GDAP1: variants seen among roughly 807,000 people sequenced by gnomAD.
The protein encoded by GDAP1 is ganglioside induced differentiation associated protein 1.
GDAP1 carries 34 observed loss-of-function variants against 40.1 expected under a neutral mutation model. That is an observed-to-expected ratio of 0.85 (90% CI 0.64 to 1.13). The LOEUF is 1.13. Among genes scored for constraint, GDAP1 ranks in the 50% most tolerant of loss-of-function variants. The pLI, the probability that GDAP1 is intolerant of heterozygous loss-of-function variation, is 0.00. For missense variants in GDAP1, 374 were observed against 433.7 expected (o/e 0.86, Z 1.22); for synonymous variants, 170 against 157.4 (o/e 1.08, Z -0.60).
Position 74,365,454 on chromosome 8 carries a change from C to G in GDAP1, c.*1087C>G. On this transcript the variant is annotated 3_prime_UTR_variant, in exon 6 of 6. Transcript: ENST00000220822. Reference sequence around the variant, plus strand: ...TGTGGAAGGGACAGTCTCGGTGTGTCCCATGAATAACCTTGGAACTGCAAC... The same window carrying G: ...TGTGGAAGGGACAGTCTCGGTGTGTGCCATGAATAACCTTGGAACTGCAAC... 2.2e-6 allele frequency: 1 copy of G among 452,312 alleles called. No individual in the cohort carries two copies. Among genetic ancestry groups the G allele is most frequent in the East Asian group, 7.0e-5 (1 of 14,254 alleles). The allele number at this position is 452,312 out of a possible 1,614,324, so 28.0% of individuals were successfully genotyped here. A position where few individuals can be genotyped will look rare whatever the true frequency, so the allele number is the denominator to read the frequency against.
intron 2 of GDAP1, among the ~76,000 whole-genome samples, chr8:74,479,437 G>T (rs1210260537): frequency 1.3e-5 from 2 of 152,056 alleles, no homozygotes; most frequent in Non-Finnish European, 2.9e-5. Flanking sequence ...TTATAAAAGT[G>T]TTTCTATTTA....
intron 2 of GDAP1, among the ~76,000 whole-genome samples, chr8:74,352,741 G>C (rs1808940892): frequency 6.6e-6 from 1 of 152,118 alleles, no homozygotes. Context: ...TACTGAAAAT[G>C]ACAACTAGTT....
At chr8:74,445,400 A>C (rs1048682940) in intron 2 of GDAP1, among the ~76,000 whole-genome samples, 2 of 152,174 alleles carry the variant, frequency 1.3e-5, no homozygotes, top group Non-Finnish European at 2.9e-5. Flanking sequence ...ATAGAGAGCT[A>C]TCAGTAAAAA....
intron 2 of GDAP1, among the ~76,000 whole-genome samples, chr8:74,479,000 C>T (rs1010056552): frequency 2.0e-5 from 3 of 152,154 alleles, no homozygotes; most frequent in African/African-American, 4.8e-5. Context: ...TCAATGCTTT[C>T]CCTGTGAAGA....
chr8:74,445,369 G>A (rs748762904), intron 2 of GDAP1, among the ~76,000 whole-genome samples: 14 of 152,090 alleles, frequency 9.2e-5, no homozygotes, highest in Admixed American at 5.9e-4. Context: ...TGCTTCTTTC[G>A]CAGATTGTCT....
At chr8:74,472,599 GT>G (rs539918052) in intron 2 of GDAP1, among the ~76,000 whole-genome samples, 5 of 150,340 alleles carry the variant, frequency 3.3e-5, no homozygotes, top group Admixed American at 2.0e-4. Context: ...ACCAGCATCT[GT>G]TTTTTTTTGA....
chr8:74,444,214 G>A (rs62523886), intron 2 of GDAP1, among the ~76,000 whole-genome samples: 87 of 1,068 alleles, frequency 0.081, 1 homozygote, highest in African/African-American at 0.18. Flanking sequence ...ACACACGCGC[G>A]CACACACACA....
chr8:74,454,951 G>A (rs1806317512), intron 2 of GDAP1, among the ~76,000 whole-genome samples: 1 of 151,818 alleles, frequency 6.6e-6, no homozygotes, highest in African/African-American at 2.4e-5. Context: ...CCTTGTCTAC[G>A]GGATTGGGGC....
intron 2 of GDAP1, among the ~76,000 whole-genome samples, chr8:74,394,854 C>T (rs1430941441): frequency 6.6e-6 from 1 of 152,128 alleles, no homozygotes; most frequent in Admixed American, 6.5e-5. Flanking sequence ...TGGAGAGGGC[C>T]ATCATGGGAA....
intron 2 of GDAP1, among the ~76,000 whole-genome samples, chr8:74,372,404 A>T (rs1275700851): frequency 6.6e-6 from 1 of 152,158 alleles, no homozygotes; most frequent in African/African-American, 2.4e-5. Context: ...AAGTGTTCCT[A>T]TGTCTCCACA....
intron 2 of GDAP1, among the ~76,000 whole-genome samples, chr8:74,401,703 T>C (rs1355968572): frequency 6.7e-6 from 1 of 149,736 alleles, no homozygotes; most frequent in Non-Finnish European, 1.5e-5. Context: ...TTTTGGTCTT[T>C]GATGATGGTG....
chr8:74,458,350 ATTCT>A (rs1806361015), intron 2 of GDAP1, among the ~76,000 whole-genome samples: 1 of 152,194 alleles, frequency 6.6e-6, no homozygotes, highest in African/African-American at 2.4e-5. Context: ...GACACCACTC[ATTCT>A]AAGTTTGTGA....
intron 2 of GDAP1, among the ~76,000 whole-genome samples, chr8:74,455,961 AT>A (rs1369784291): frequency 1.3e-5 from 2 of 151,984 alleles, no homozygotes; most frequent in African/African-American, 2.4e-5. Context: ...AGAAAGATGA[AT>A]TTTAGTTTTT....
At chr8:74,362,654 C>T (rs1019263345) in intron 4 of GDAP1, among the ~76,000 whole-genome samples, 1 of 152,112 alleles carries the variant, frequency 6.6e-6, no homozygotes, top group African/African-American at 2.4e-5. Context: ...GCAGATGGCT[C>T]TTCGTGTCCC....
intron 2 of GDAP1, among the ~76,000 whole-genome samples, chr8:74,403,460 C>T (rs901547113): frequency 2.0e-5 from 3 of 150,096 alleles, no homozygotes; most frequent in Non-Finnish European, 4.4e-5. Context: ...TCAGTTTACC[C>T]GTTCTACATA....
intron 2 of GDAP1, among the ~76,000 whole-genome samples, chr8:74,462,391 A>G (rs1024120795): frequency 2.0e-5 from 3 of 152,178 alleles, no homozygotes; most frequent in Non-Finnish European, 4.4e-5. Flanking sequence ...CCTTCAATAC[A>G]TCTAATGACT....
chr8:74,420,009 G>A (rs1004439248), intron 2 of GDAP1, among the ~76,000 whole-genome samples: 2 of 152,072 alleles, frequency 1.3e-5, no homozygotes, highest in Admixed American at 6.6e-5. Context: ...TATTCCATTG[G>A]TCTCTATGTT....
intron 2 of GDAP1, among the ~76,000 whole-genome samples, chr8:74,480,272 C>G (rs568933372): frequency 1.3e-5 from 2 of 152,110 alleles, no homozygotes; most frequent in South Asian, 2.1e-4. Context: ...CAAGTGTGAG[C>G]CACTGCGCCC....
Position 74,364,831 on chromosome 8 carries a change from G to A in GDAP1, c.*464G>A, listed in dbSNP as rs1464525617. 1 of 454,714 alleles carries A rather than the reference G, an allele frequency of 2.2e-6. No homozygotes were observed. The highest frequency in any genetic ancestry group is 2.3e-5 in the Admixed American group (1 of 42,586). The allele number at this position is 454,714 out of a possible 1,614,324, so 28.2% of individuals were successfully genotyped here. ...TTTATATGTATACTTTGACCTCAGT[G>A]TTAATTTTAAATGCTTATGAATCAC... On this transcript the variant is annotated 3_prime_UTR_variant, in exon 6 of 6. Transcript: ENST00000220822.
Sources: allele counts gnomAD v4.1 joint callset (sites outside exome capture counted in the v4.1 genomes callset), GRCh38; gene constraint gnomAD v4.1.1; transcripts MANE v1.5; gene names NCBI Gene and HGNC (gene_info 2026-07-23, HGNC 2026-07-21).